Variants in ENTREP2 observed in about 807,000 individuals in gnomAD.
ENTREP2 encodes the protein protein ENTREP2.
At chr15:29,371,334 C>T in the ENTREP2 span, among the ~76,000 whole-genome samples, 1 of 137,524 alleles carries the variant, frequency 7.3e-6, no homozygotes, top group African/African-American at 3.1e-5. Flanking sequence ...CCTCCCATAC[C>T]ACCACACCCC....
chr15:29,383,334 C>T, the ENTREP2 span, among the ~76,000 whole-genome samples: 3 of 152,224 alleles, frequency 2.0e-5, no homozygotes, highest in Non-Finnish European at 4.4e-5. Context: ...CTGCTCTCCA[C>T]AAGAGTACCT....
chr15:29,255,873 C>T, the ENTREP2 span, among the ~76,000 whole-genome samples: 3 of 151,864 alleles, frequency 2.0e-5, no homozygotes, highest in South Asian at 2.1e-4. Flanking sequence ...TGGTGGTGGG[C>T]GCCTGTAGTA....
chr15:29,141,857 G>A, the ENTREP2 span, among the ~76,000 whole-genome samples: 2 of 152,172 alleles, frequency 1.3e-5, no homozygotes, highest in Admixed American at 6.5e-5. Context: ...CCCGCCCTGC[G>A]GCCCCCTGGT....
the ENTREP2 span, among the ~76,000 whole-genome samples, chr15:29,219,866 A>C: frequency 6.6e-6 from 1 of 151,376 alleles, no homozygotes; most frequent in African/African-American, 2.4e-5. Context: ...ACTTGAGGGG[A>C]AAAGTAGGAA....
chr15:29,262,338 T>G, the ENTREP2 span, among the ~76,000 whole-genome samples: 1 of 152,198 alleles, frequency 6.6e-6, no homozygotes, highest in Admixed American at 6.5e-5. Context: ...CAAAAGACCC[T>G]CATTTCAGAA....
chr15:29,497,604 T>A, the ENTREP2 span, among the ~76,000 whole-genome samples: 2 of 152,176 alleles, frequency 1.3e-5, no homozygotes, highest in African/African-American at 4.8e-5. Context: ...TCTCTTAGGA[T>A]CCTTTGTAAT....
the ENTREP2 span, among the ~76,000 whole-genome samples, chr15:29,167,505 C>T: frequency 0.037 from 5,649 of 152,148 alleles, 324 homozygotes; most frequent in African/African-American, 0.13. Flanking sequence ...AAAGAGTGGG[C>T]TGACATGAAC....
At chr15:29,512,534 G>A in the ENTREP2 span, among the ~76,000 whole-genome samples, 1 of 152,192 alleles carries the variant, frequency 6.6e-6, no homozygotes, top group African/African-American at 2.4e-5. Context: ...ATGGGGAGGT[G>A]ATCAGGGATA....
chr15:29,365,743 A>AC, the ENTREP2 span, among the ~76,000 whole-genome samples: 6 of 152,210 alleles, frequency 3.9e-5, no homozygotes, highest in African/African-American at 1.4e-4. Context: ...TGCAGAAAAA[A>AC]AAAACAAAAC....
At chr15:29,611,407 C>G in the ENTREP2 span, among the ~76,000 whole-genome samples, 1 of 152,092 alleles carries the variant, frequency 6.6e-6, no homozygotes, top group Non-Finnish European at 1.5e-5. Context: ...AAGAAAAACA[C>G]TTTGTAAATG....
chr15:29,200,922 A>G, the ENTREP2 span, among the ~76,000 whole-genome samples: 30 of 152,146 alleles, frequency 2.0e-4, no homozygotes, highest in African/African-American at 6.8e-4. Flanking sequence ...GAATTTTCCA[A>G]TTTATTTATT....
chr15:29,284,680 G>A, the ENTREP2 span, among the ~76,000 whole-genome samples: 1 of 152,046 alleles, frequency 6.6e-6, no homozygotes, highest in African/African-American at 2.4e-5. Flanking sequence ...GAACTGATGA[G>A]GAATCCTCCA....
chr15:29,157,808 C>A, the ENTREP2 span, among the ~76,000 whole-genome samples: 30 of 150,712 alleles, frequency 2.0e-4, no homozygotes, highest in Admixed American at 4.0e-4. Flanking sequence ...CGGCTCACTG[C>A]AACTTCCACC....
At chr15:29,664,215 G>C in the ENTREP2 span, among the ~76,000 whole-genome samples, 1 of 152,188 alleles carries the variant, frequency 6.6e-6, no homozygotes, top group Non-Finnish European at 1.5e-5. Flanking sequence ...CTGTGATTGT[G>C]AGTAGGGACG....
chr15:29,257,078 ATTT>A, the ENTREP2 span, among the ~76,000 whole-genome samples: 2,534 of 147,532 alleles, frequency 0.017, 86 homozygotes, highest in African/African-American at 0.062. Flanking sequence ...TTATTTATTT[ATTT>A]ATTTATCTTG....
At chr15:29,440,622 T>C in the ENTREP2 span, among the ~76,000 whole-genome samples, 4 of 152,272 alleles carry the variant, frequency 2.6e-5, 1 homozygote, top group Admixed American at 2.6e-4. Flanking sequence ...GTGTTCCTGT[T>C]CCTCAATCAT....
the ENTREP2 span, among the ~76,000 whole-genome samples, chr15:29,629,236 C>T: frequency 3.5e-3 from 529 of 152,200 alleles, 5 homozygotes; most frequent in African/African-American, 0.012. Flanking sequence ...TTAATCCATT[C>T]TTCCAATCTC....
chr15:29,597,084 T>C, the ENTREP2 span, among the ~76,000 whole-genome samples: 1 of 106,232 alleles, frequency 9.4e-6, no homozygotes, highest in Non-Finnish European at 2.2e-5. Context: ...GTATCACTCA[T>C]ACAAAAAAAA....
At chr15:29,515,884 T>C in the ENTREP2 span, among the ~76,000 whole-genome samples, 1 of 152,138 alleles carries the variant, frequency 6.6e-6, no homozygotes. Flanking sequence ...AAATGTTCTA[T>C]ACCTATGCCG....
Sources: gnomAD v4.1 joint callset for allele counts (sites outside exome capture counted in the v4.1 genomes callset) on GRCh38, gnomAD v4.1.1 for gene constraint, MANE v1.5 for transcripts, NCBI Gene and HGNC (gene_info 2026-07-23, HGNC 2026-07-21) for gene names.